Variants in SLC27A1 observed in about 807,000 individuals in gnomAD.
SLC27A1 encodes long-chain fatty acid transport protein 1.
In SLC27A1, 61 loss-of-function variants were observed where a neutral mutation model predicts 62.2. The ratio of observed to expected loss-of-function variants is 0.98; its 90% CI spans 0.80 to 1.21. SLC27A1 has a LOEUF of 1.21. SLC27A1 is among the 50% of genes most tolerant of loss of function. SLC27A1 has a pLI of 0.00. For missense variants in SLC27A1, 903 were observed against 932.1 expected, an observed-to-expected ratio of 0.97 and a Z score of 0.41; for synonymous variants, 435 against 408.6, an observed-to-expected ratio of 1.06 and a Z score of -0.78.
chr19:17,478,389 C>T (rs2075144357), intron 1 of SLC27A1, among the ~76,000 whole-genome samples: 1 of 149,530 alleles, frequency 6.7e-6, no homozygotes, highest in Non-Finnish European at 1.5e-5. Flanking sequence ...ATCGCTTGAA[C>T]CTGGGAGGCG....
chr19:17,480,372 T>C (rs1037531159), intron 1 of SLC27A1, among the ~76,000 whole-genome samples: 4 of 150,630 alleles, frequency 2.7e-5, no homozygotes, highest in Non-Finnish European at 3.0e-5. Flanking sequence ...TTGTCATTTC[T>C]TTCTCTTTTT....
Position 17,505,880 on chromosome 19 carries a change from C to G in SLC27A1, c.*1268C>G, listed in dbSNP as rs978652343. The G allele has an allele frequency of 1.3e-5, 2 of 152,548 alleles. No homozygotes were observed. The highest frequency in any genetic ancestry group is 2.9e-5 in the Non-Finnish European group (2 of 68,326). The allele number at this position is 152,548 out of a possible 1,614,324, so 9.4% of individuals were successfully genotyped here. On this transcript the variant is annotated 3_prime_UTR_variant, in exon 12 of 12. Coordinates refer to ENST00000252595, the MANE Select transcript of SLC27A1 (RefSeq NM_198580.3). ...ACCTGGTGGTGGCCCCTCCGATGTC[C>G]CCACTGATGGCTCTGACACCGTGTT...
At chr19:17,475,075 C>T (rs150870550) in intron 1 of SLC27A1, among the ~76,000 whole-genome samples, 4,043 of 152,072 alleles carry the variant, frequency 0.027, 182 homozygotes, top group African/African-American at 0.093. Flanking sequence ...CCACCACACC[C>T]GGATAATTTT....
intron 1 of SLC27A1, among the ~76,000 whole-genome samples, chr19:17,479,416 G>C (rs1055744638): frequency 7.2e-5 from 11 of 152,158 alleles, no homozygotes; most frequent in African/African-American, 2.4e-4. Context: ...AGCCTGCAGC[G>C]GGGGGCCCCA....
intron 1 of SLC27A1, among the ~76,000 whole-genome samples, chr19:17,473,150 C>T (rs930623380): frequency 3.3e-5 from 5 of 152,272 alleles, no homozygotes; most frequent in African/African-American, 1.2e-4. Flanking sequence ...CCAGGCTAGT[C>T]TCGAACTCCT....
At position 17,487,280 on chromosome 19, in the gene SLC27A1, G is replaced by A; in HGVS notation, c.669G>A (p.Leu223=). 1 of 1,613,754 alleles carries A rather than the reference G, an allele frequency of 6.2e-7. No homozygotes were observed. Among genetic ancestry groups the A allele is most frequent in the Non-Finnish European group, 8.5e-7 (1 of 1,179,878 alleles). ...ILPDTHLLDP[L]LKEASTAPLA... is the part of the protein sequence containing the mutation. Reference sequence around the variant, plus strand: ...CGGACACCCACCTCCTGGACCCGCTGCTGAAGGAGGCCTCTACTGCCCCCT... The same window carrying A: ...CGGACACCCACCTCCTGGACCCGCTACTGAAGGAGGCCTCTACTGCCCCCT... The change falls in exon 3 of 12, where the codon CTG becomes CTA. Residue 223 remains leucine, a synonymous_variant. Coordinates refer to ENST00000252595, the MANE Select transcript of SLC27A1 (RefSeq NM_198580.3).
rs1231419088 is a variant in SLC27A1 at position 17,487,239 on chromosome 19, C to A, written c.628C>A (p.Pro210Thr). 2.5e-6 allele frequency: 4 copies of A among 1,614,066 alleles called. No homozygotes were observed. In the Admixed American group the frequency reaches 6.7e-5, roughly 27 times the overall value. ...LIKFCSGDLG[P>T]EGILPDTHLL... ...CAAGTTCTGCTCTGGAGACTTGGGGCCCGAGGGCATCTTGCCGGACACCCA... is the reference window on the plus strand; with the variant it reads ...CAAGTTCTGCTCTGGAGACTTGGGGACCGAGGGCATCTTGCCGGACACCCA... The change falls in exon 3 of 12, where the codon CCC becomes ACC. Residue 210 changes from proline (P) to threonine (T), a missense_variant. By Grantham distance (38) the Pro-to-Thr change is conservative. Transcript: ENST00000252595.
rs1262628135 is a variant in SLC27A1, at chr19:17,486,913, C to T, written c.518C>T (p.Thr173Ile). The T allele has an allele frequency of 2.5e-6, 4 of 1,592,274 alleles. No individual in the cohort carries two copies. The Admixed American group carries it at 5.1e-5, about 20-fold the overall frequency. Residue 173 changes from threonine (T) to isoleucine (I), a missense_variant, in exon 2 of 12, where the codon ACC becomes ATC. Transcript: ENST00000252595. The surrounding 1 kb of genome is among the most constrained non-coding windows in gnomAD (Gnocchi z 6.6). ...RREPLAFCLGTSGAKALIFGG... is the reference protein window; with the variant it reads ...RREPLAFCLGISGAKALIFGG... ...GAGCCCCTGGCCTTCTGCCTGGGCA[C>T]CTCGGGCGCTAAGGCCCTGATCTTT... is the stretch of plus-strand genomic sequence containing the variant.
Position 17,477,714 on chromosome 19 carries a change from G to T in SLC27A1, c.167+7007G>T, listed in dbSNP as rs1034455612. Among the ~76,000 whole-genome samples, 4 of 151,080 alleles carry T rather than the reference G, an allele frequency of 2.6e-5. 1 individual carries two copies. The highest frequency in any genetic ancestry group is 5.9e-5 in the Non-Finnish European group (4 of 67,826). On this transcript the variant is annotated intron_variant, in intron 1 of 11. Coordinates refer to ENST00000252595, the MANE Select transcript of SLC27A1 (RefSeq NM_198580.3). ...ATTACAGGTGCCCGCCACCATGCCCGGCTAATTTTTTTGTATTTTTAGTAG... is the reference window on the plus strand; with the variant it reads ...ATTACAGGTGCCCGCCACCATGCCCTGCTAATTTTTTTGTATTTTTAGTAG...
chr19:17,502,731 G>A (rs1297089081), intron 11 of SLC27A1, among the ~76,000 whole-genome samples: 1 of 151,782 alleles, frequency 6.6e-6, no homozygotes, highest in Non-Finnish European at 1.5e-5. Context: ...TGTTGCCCAG[G>A]CTGGCATGCA....
chr19:17,469,738 G>A (rs2075055117), upstream of SLC27A1, among the ~76,000 whole-genome samples: 2 of 151,556 alleles, frequency 1.3e-5, no homozygotes, highest in African/African-American at 2.4e-5. Flanking sequence ...TAGGGGGGCC[G>A]GAGTGAAACC....
Position 17,500,636 on chromosome 19 carries a change from C to T in SLC27A1, c.1471+4C>T, listed in dbSNP as rs200070251. 33 of 1,613,800 alleles carry T rather than the reference C, an allele frequency of 2.0e-5. No homozygotes were observed. Among genetic ancestry groups the T allele is most frequent in the East Asian group, 6.7e-5 (3 of 44,892 alleles). ...GGCGACAGCGCCTACCTCTCAGGTG[C>T]GCAGCCTGCTAGGCCCCGGTGACTG... On this transcript the variant is annotated splice_donor_region_variant and intron_variant, in intron 9 of 11. Coordinates refer to ENST00000252595, the MANE Select transcript of SLC27A1 (RefSeq NM_198580.3).
chr19:17,500,193 A>G, intron 7 of SLC27A1, 85 bp from the exon 8 acceptor site: 2 of 1,556,464 alleles, frequency 1.3e-6, no homozygotes, highest in Non-Finnish European at 1.7e-6. Flanking sequence ...GCTAGGTCCA[A>G]GCCCCAGGGC....
chr19:17,491,067 G>A (rs1472639931), intron 6 of SLC27A1: 1 of 149,496 alleles, frequency 6.7e-6, no homozygotes. Flanking sequence ...CGGGCATGAT[G>A]ATACACACCT....
At chr19:17,475,044 A>G (rs2075109978) in intron 1 of SLC27A1, among the ~76,000 whole-genome samples, 1 of 151,582 alleles carries the variant, frequency 6.6e-6, no homozygotes, top group Admixed American at 6.6e-5. Flanking sequence ...CCTCCCGAGT[A>G]GCTGGGATTA....
chr19:17,485,946 G>T (rs936155150), intron 1 of SLC27A1, among the ~76,000 whole-genome samples: 1 of 152,212 alleles, frequency 6.6e-6, no homozygotes, highest in Non-Finnish European at 1.5e-5. Flanking sequence ...GTTCCCTGGG[G>T]CCTCTGCCCG....
intron 1 of SLC27A1, among the ~76,000 whole-genome samples, chr19:17,473,628 G>A (rs758413701): frequency 6.6e-6 from 1 of 152,176 alleles, no homozygotes; most frequent in Non-Finnish European, 1.5e-5. Context: ...TTGGGAGGCC[G>A]AAGCGGGTGG....
At chr19:17,502,908 A>T (rs1295773792) in intron 11 of SLC27A1, among the ~76,000 whole-genome samples, 1 of 152,150 alleles carries the variant, frequency 6.6e-6, no homozygotes, top group East Asian at 1.9e-4. Flanking sequence ...CATGCTGCTA[A>T]TAAAGACATA....
rs2075230548 is a variant in SLC27A1, at chr19:17,486,501, G to C, written c.168-62G>C. The stretch of plus-strand genomic sequence containing the variant: ...GGGGTCCTCCAGCGGGGAGGCTGAG[G>C]CTCCCAGAGGCCAGGCGGGGCAGGG... On this transcript the variant is annotated intron_variant, in intron 1 of 11. Coordinates refer to ENST00000252595, the MANE Select transcript of SLC27A1 (RefSeq NM_198580.3). The surrounding 1 kb of genome is among the most constrained non-coding windows in gnomAD (Gnocchi z 6.6). The C allele has an allele frequency of 1.3e-6, 2 of 1,491,674 alleles. No homozygotes were observed. The highest frequency in any genetic ancestry group is 1.8e-6 in the Non-Finnish European group (2 of 1,122,158). The allele number at this position is 1,491,674 out of a possible 1,614,324, so 92.4% of individuals were successfully genotyped here. A position where few individuals can be genotyped will look rare whatever the true frequency, so the allele number is the denominator to read the frequency against.
Sources: gnomAD v4.1 joint callset for allele counts (sites outside exome capture counted in the v4.1 genomes callset) on GRCh38, gnomAD v4.1.1 for gene constraint, Gnocchi (gnomAD v3.1) non-coding constraint, MANE v1.5 for transcripts, NCBI Gene and HGNC (gene_info 2026-07-23, HGNC 2026-07-21) for gene names.